DNAH1: variants seen among roughly 807,000 people sequenced by gnomAD.
DNAH1 encodes the protein dynein axonemal heavy chain 1.
A neutral mutation model predicts 484.3 loss-of-function variants in DNAH1; 327 were observed. That is an observed-to-expected ratio of 0.68 (90% CI 0.62 to 0.74). DNAH1 has a LOEUF of 0.74. DNAH1 is among the 30% of genes least tolerant of loss of function. The probability of loss-of-function intolerance (pLI) is 0.00; values close to 1 mark genes in which losing one functional copy is unlikely to be tolerated. For missense variants in DNAH1, 5,052 were observed against 5,546.8 expected (o/e 0.91, Z 2.83); for synonymous variants, 2,192 against 2,191.9 (o/e 1.00, Z 0.00).
At chr3:52,390,814 AGG>A in intron 60 of DNAH1, 119 bp from the exon 61 acceptor site, 1 of 1,437,368 alleles carries the variant, frequency 7.0e-7, no homozygotes, top group South Asian at 1.3e-5. Context: ...CCAACCTCCA[AGG>A]GGATGCAGTA....
intron 65 of DNAH1, 54 bp from the exon 66 acceptor site, chr3:52,393,280 G>A: frequency 6.2e-7 from 1 of 1,604,168 alleles, no homozygotes; most frequent in African/African-American, 1.3e-5. Context: ...CTGGACCCCG[G>A]GGCTCTTCCT....
intron 17 of DNAH1, 119 bp from the exon 18 acceptor site, chr3:52,352,433 C>G (rs1042386373): frequency 1.5e-6 from 2 of 1,370,180 alleles, no homozygotes; most frequent in African/African-American, 2.9e-5. Flanking sequence ...GGAGAACAAC[C>G]TCCTTAGAAC....
intron 8 of DNAH1, among the ~76,000 whole-genome samples, chr3:52,335,723 C>A (rs1701720400): frequency 6.6e-6 from 1 of 151,886 alleles, no homozygotes; most frequent in Non-Finnish European, 1.5e-5. Context: ...CAACCTCTGT[C>A]TCCTGGGTTC....
At chr3:52,317,024 C>T (rs529844274) in intron 1 of DNAH1, among the ~76,000 whole-genome samples, 2 of 152,158 alleles carry the variant, frequency 1.3e-5, no homozygotes, top group East Asian at 3.8e-4. Flanking sequence ...TTCAGATTCC[C>T]TAATTGTTAT....
At position 52,322,726 on chromosome 3, in the gene DNAH1, G is replaced by A. The variant is rs376341450; in HGVS notation, c.284G>A (p.Arg95His). 25 of 1,612,628 alleles carry A rather than the reference G, an allele frequency of 1.6e-5. No individual in the cohort carries two copies. The highest frequency in any genetic ancestry group is 2.2e-5 in the South Asian group (2 of 90,832). Residue 95 changes from arginine to histidine, a missense_variant, in exon 2 of 78, where the codon CGT becomes CAT. By Grantham distance (29) the Arg-to-His change is conservative. This residue lies in a region of DNAH1 where 1,263 missense variants were observed against 1,218.8 expected (regional missense o/e 1.04). Coordinates refer to ENST00000420323, the MANE Select transcript of DNAH1 (RefSeq NM_015512.5). ...AAGAAGTACCCGCTGATGAAGCAGC[G>A]TGGGTTCTACTCCGACATCCTCAGC... ...TDKKYPLMKQRGFYSDILSPG... is the reference protein window; with the variant it reads ...TDKKYPLMKQHGFYSDILSPG...
At chr3:52,331,441 A>C in intron 7 of DNAH1, 132 bp downstream of exon 7, 1 of 1,059,948 alleles carries the variant, frequency 9.4e-7, no homozygotes, top group Non-Finnish European at 1.3e-6. Context: ...CAATGCCCTG[A>C]CCGGTGAGGA....
intron 8 of DNAH1, among the ~76,000 whole-genome samples, chr3:52,336,705 C>A (rs1294656100): frequency 6.6e-6 from 1 of 152,164 alleles, no homozygotes; most frequent in Non-Finnish European, 1.5e-5. Context: ...TTCCCCACTG[C>A]ATATTTTTGT....
rs763753985 is a variant in DNAH1, at chr3:52,361,816, C to T, written c.4980+50C>T. The T allele has an allele frequency of 2.5e-5, 39 of 1,530,202 alleles. No individual in the cohort carries two copies. The East Asian group carries it at 6.1e-4, about 24-fold the overall frequency. 94.8% of individuals were successfully genotyped at this position (1,530,202 alleles called of 1,614,324 possible). Reference sequence around the variant, plus strand: ...TCCCTCAGATCTGCCATACTCACGCCGCCATACTGCTCCCCATTGCAGGCT... The same window carrying T: ...TCCCTCAGATCTGCCATACTCACGCTGCCATACTGCTCCCCATTGCAGGCT... On this transcript the variant is annotated intron_variant, in intron 30 of 77. Coordinates refer to ENST00000420323, the MANE Select transcript of DNAH1 (RefSeq NM_015512.5). This position sits in a 1 kb window ranked among gnomAD's most constrained non-coding sequence, Gnocchi z 5.6.
At chr3:52,330,427 G>A (rs1701500539) in intron 6 of DNAH1, among the ~76,000 whole-genome samples, 1 of 152,226 alleles carries the variant, frequency 6.6e-6, no homozygotes, top group Non-Finnish European at 1.5e-5. Context: ...GCTTCTCCTT[G>A]GAGAAGGGAA....
In DNAH1 at chr3:52,361,814, G is replaced by A. The variant is rs762465055; in HGVS notation, c.4980+48G>A. 2.4e-5 allele frequency: 37 copies of A among 1,533,920 alleles called. No homozygotes were observed. Among genetic ancestry groups the A allele is most frequent in the Admixed American group, 1.4e-4 (7 of 51,306 alleles). ...ACTCCCTCAGATCTGCCATACTCACGCCGCCATACTGCTCCCCATTGCAGG... is the reference window on the plus strand; with the variant it reads ...ACTCCCTCAGATCTGCCATACTCACACCGCCATACTGCTCCCCATTGCAGG... On this transcript the variant is annotated intron_variant, in intron 30 of 77. Coordinates refer to ENST00000420323, the MANE Select transcript of DNAH1 (RefSeq NM_015512.5). The surrounding 1 kb of genome is among the most constrained non-coding windows in gnomAD (Gnocchi z 5.6).
chr3:52,332,540 G>A, intron 8 of DNAH1, 146 bp downstream of exon 8: 1 of 1,241,972 alleles, frequency 8.1e-7, no homozygotes, highest in South Asian at 1.6e-5. Context: ...GGACTTGTTG[G>A]GGCCTCAAAC....
chr3:52,353,879 TA>T lies in DNAH1; in HGVS notation c.3480+247del. The T allele has an allele frequency of 3.7e-6, 2 of 536,942 alleles. No individual in the cohort carries two copies. The highest frequency in any genetic ancestry group is 3.5e-5 in the East Asian group (1 of 28,354). 33.3% of individuals were successfully genotyped at this position (536,942 alleles called of 1,614,324 possible). A position where few individuals can be genotyped will look rare whatever the true frequency, so the allele number is the denominator to read the frequency against. Reference sequence around the variant, plus strand: ...CTCAAGAGCCCCAGGAAGGAGCTAATAGCATTAGCCTCAATTTAACAGATGT... The same window carrying T: ...CTCAAGAGCCCCAGGAAGGAGCTAATGCATTAGCCTCAATTTAACAGATGT... On this transcript the variant is annotated intron_variant, in intron 20 of 77. Coordinates refer to ENST00000420323, the MANE Select transcript of DNAH1 (RefSeq NM_015512.5). This position sits in a 1 kb window ranked among gnomAD's most constrained non-coding sequence, Gnocchi z 5.0.
At chr3:52,334,044 C>T (rs1701649942) in intron 8 of DNAH1, among the ~76,000 whole-genome samples, 1 of 152,146 alleles carries the variant, frequency 6.6e-6, no homozygotes, top group South Asian at 2.1e-4. Flanking sequence ...ATGATAGGGA[C>T]ATGTTCTGAG....
chr3:52,383,751 G>T, intron 51 of DNAH1, 109 bp from the exon 52 acceptor site: 2 of 1,420,350 alleles, frequency 1.4e-6, no homozygotes, highest in Non-Finnish European at 1.9e-6. Flanking sequence ...CTGCTGTGCT[G>T]CTGTGTCCTG....
At chr3:52,347,742 C>G (rs1025157864) in intron 11 of DNAH1, 82 bp from the exon 12 acceptor site, 2 of 1,423,508 alleles carry the variant, frequency 1.4e-6, no homozygotes, top group Non-Finnish European at 1.9e-6. Context: ...AGAGTCATAG[C>G]GCTGGCAGGA....
intron 47 of DNAH1, 56 bp downstream of exon 47, chr3:52,378,836 C>T: frequency 6.3e-7 from 1 of 1,596,412 alleles, no homozygotes; most frequent in Non-Finnish European, 8.6e-7. Flanking sequence ...GCATCCTCCC[C>T]AGCCCCACCA....
chr3:52,384,621 G>A (rs374651280), intron 52 of DNAH1, among the ~76,000 whole-genome samples, 165 bp from the exon 53 acceptor site: 1 of 152,318 alleles, frequency 6.6e-6, no homozygotes, highest in African/African-American at 2.4e-5. Context: ...TGCACAAAAG[G>A]TGACCTCGAC....
Position 52,332,349 on chromosome 3 carries a change from T to C in DNAH1, c.1241T>C (p.Ile414Thr). 1 of 1,613,984 alleles carries C rather than the reference T, an allele frequency of 6.2e-7. No individual in the cohort carries two copies. Among genetic ancestry groups the C allele is most frequent in the Non-Finnish European group, 8.5e-7 (1 of 1,179,904 alleles). ...HVISEQSLSK[I>T]KQWALSTPRM... ...ATCAGTGAACAGAGCCTGAGCAAGA[T>C]CAAGCAGTGGGCCCTGAGCACGCCT... The change falls in exon 8 of 78, where the codon ATC becomes ACC. Residue 414 changes from isoleucine (I) to threonine (T), a missense_variant. Ile to Thr is a moderately conservative substitution (Grantham distance 89). This residue lies in a region of DNAH1 where 1,263 missense variants were observed against 1,218.8 expected (regional missense o/e 1.04). Coordinates refer to ENST00000420323, the MANE Select transcript of DNAH1 (RefSeq NM_015512.5).
In DNAH1 at chr3:52,389,484, C is replaced by A. The variant is rs375621008; in HGVS notation, c.9519C>A (p.Tyr3173Ter). 2 of 1,608,632 alleles carry A rather than the reference C, an allele frequency of 1.2e-6. No individual in the cohort carries two copies. Among genetic ancestry groups the A allele is most frequent in the African/African-American group, 2.7e-5 (2 of 74,868 alleles). Residue 3173 changes from tyrosine (Y) to a stop codon, truncating the protein, a stop_gained, in exon 60 of 78, where the codon TAC becomes TAA. Transcript: ENST00000420323. LOFTEE classifies it high-confidence loss of function. ...AGGGCCAGTACCGCACGGTGCTCTA[C>A]GACAGCTGGGTCAAGCAGCTCAGGA... ...PFTGQYRTVL[Y>*]DSWVKQLRSH...
Sources: gnomAD v4.1 joint callset for allele counts (sites outside exome capture counted in the v4.1 genomes callset) on GRCh38, gnomAD v4.1.1 for gene constraint, gnomAD v4.1.1 regional missense constraint, Gnocchi (gnomAD v3.1) non-coding constraint, MANE v1.5 for transcripts, NCBI Gene and HGNC (gene_info 2026-07-23, HGNC 2026-07-21) for gene names.